PRKAG2: variants seen among roughly 807,000 people sequenced by gnomAD.
PRKAG2 encodes 5'-AMP-activated protein kinase subunit gamma-2.
A neutral mutation model predicts 69.6 loss-of-function variants in PRKAG2; 26 were observed. That is an observed-to-expected ratio of 0.37 (90% CI 0.27 to 0.52). The LOEUF is 0.52. PRKAG2 is among the 20% of genes least tolerant of loss of function. The pLI is 0.90. For synonymous variants in PRKAG2, 293 were observed against 285.0 expected, an observed-to-expected ratio of 1.03 and a Z score of -0.28; for missense variants, 557 against 740.0, an observed-to-expected ratio of 0.75 and a Z score of 2.87.
rs730880988 is a variant in PRKAG2, at chr7:151,574,917, G to A, written c.979C>T (p.Leu327=). 3.7e-6 allele frequency: 6 copies of A among 1,613,390 alleles called. No homozygotes were observed. The South Asian group carries it at 4.4e-5, about 12-fold the overall frequency. ...ATAGGTGATTTATAGTATCTATGTA[G>A]TATATTTATGAAATCTGTAATTGTT... The part of the protein sequence containing the change: ...MLTITDFINI[L]HRYYKSPMVQ... Residue 327 remains leucine (L), a synonymous_variant, in exon 8 of 16, where the codon CTA becomes TTA. Coordinates refer to ENST00000287878, the MANE Select transcript of PRKAG2 (RefSeq NM_016203.4).
At chr7:151,745,986 T>C (rs1168273526) in intron 3 of PRKAG2, among the ~76,000 whole-genome samples, 2 of 152,230 alleles carry the variant, frequency 1.3e-5, no homozygotes, top group Non-Finnish European at 2.9e-5. Flanking sequence ...AGCGCTGGGC[T>C]CAACGGGGGC....
chr7:151,680,748 C>A (rs549487858), intron 3 of PRKAG2, among the ~76,000 whole-genome samples: 1 of 152,206 alleles, frequency 6.6e-6, no homozygotes, highest in Non-Finnish European at 1.5e-5. Flanking sequence ...GCCCTGCCTG[C>A]CCCGACGCGC....
intron 1 of PRKAG2, among the ~76,000 whole-genome samples, chr7:151,802,542 TG>T (rs61098405): frequency 0.18 from 27,502 of 152,200 alleles, 2,906 homozygotes; most frequent in Non-Finnish European, 0.25. Flanking sequence ...ACGGCCCACC[TG>T]GCCCCCTCTT....
intron 4 of PRKAG2, among the ~76,000 whole-genome samples, chr7:151,635,425 G>A (rs182673523): frequency 4.2e-4 from 64 of 152,274 alleles, no homozygotes; most frequent in Middle Eastern, 3.4e-3. Context: ...CAGTGCAAAC[G>A]AAATAACAGA....
chr7:151,585,243 T>C (rs917585572), intron 6 of PRKAG2, among the ~76,000 whole-genome samples: 2 of 152,244 alleles, frequency 1.3e-5, no homozygotes, highest in Admixed American at 6.5e-5. Context: ...GTCTACAGGT[T>C]GAACGTAAGT....
intron 1 of PRKAG2, among the ~76,000 whole-genome samples, chr7:151,858,368 T>C (rs1282364872): frequency 2.0e-5 from 3 of 152,278 alleles, no homozygotes; most frequent in Non-Finnish European, 4.4e-5. Context: ...TGACTGAAGC[T>C]ACTGGCTCCT....
chr7:151,698,977 G>C (rs1443831320), intron 3 of PRKAG2, among the ~76,000 whole-genome samples: 1 of 152,210 alleles, frequency 6.6e-6, no homozygotes, highest in Non-Finnish European at 1.5e-5. Context: ...AGAAGGTCCT[G>C]AAATCAGGTA....
chr7:151,726,320 C>T (rs1391373411), intron 3 of PRKAG2, among the ~76,000 whole-genome samples: 3 of 151,398 alleles, frequency 2.0e-5, no homozygotes, highest in Admixed American at 6.6e-5. Flanking sequence ...GGTTAGGAAG[C>T]CTGGGGAAGT....
chr7:151,830,787 C>CGGG lies in PRKAG2; in HGVS notation c.115-44249_115-44247dup, dbSNP rs58030412. 4.0e-3 allele frequency among the ~76,000 whole-genome samples: 459 copies of CGGG among 114,404 alleles called. 1 individual carries two copies. The highest frequency in any genetic ancestry group is 0.016 in the African/African-American group (422 of 26,198). The allele number at this position is 114,404 out of a possible 152,430, so 75.1% of individuals were successfully genotyped here. On this transcript the variant is annotated intron_variant, in intron 1 of 15. Transcript: ENST00000287878. Reference sequence around the variant, plus strand: ...TATGCTTCTTAGGATGGGGGCGGGGCGGGGGGGGGTTGTGATGAGAGGGAG... The same window carrying CGGG: ...TATGCTTCTTAGGATGGGGGCGGGGCGGGGGGGGGGGGTTGTGATGAGAGGGAG...
intron 4 of PRKAG2, among the ~76,000 whole-genome samples, chr7:151,639,907 A>G (rs1228756260): frequency 6.6e-6 from 1 of 152,060 alleles, no homozygotes; most frequent in Non-Finnish European, 1.5e-5. Context: ...CAATCAATCA[A>G]TCAATCATCT....
intron 3 of PRKAG2, among the ~76,000 whole-genome samples, chr7:151,749,642 G>A (rs904836976): frequency 2.6e-5 from 4 of 152,118 alleles, no homozygotes; most frequent in Non-Finnish European, 5.9e-5. Flanking sequence ...TCAAAAAAAT[G>A]AGCAGCTGCC....
intron 4 of PRKAG2, among the ~76,000 whole-genome samples, chr7:151,661,427 C>A (rs1428743687): frequency 2.0e-5 from 3 of 152,150 alleles, no homozygotes; most frequent in Admixed American, 1.3e-4. Flanking sequence ...ATCCAACCCC[C>A]CACCTTGGCC....
At chr7:151,575,978 G>A (rs1808830213) in intron 7 of PRKAG2, among the ~76,000 whole-genome samples, 1 of 148,876 alleles carries the variant, frequency 6.7e-6, no homozygotes, top group African/African-American at 2.5e-5. Flanking sequence ...GTATGTAAAA[G>A]CAAGGAATTT....
Position 151,772,984 on chromosome 7 carries a change from T to TGAAAGAAA in PRKAG2, c.466+8160_466+8167dup, listed in dbSNP as rs1257330966. ...GACAGAGACCCTGTCTCTAAATGAATGAAAGAAAGAAAGAAAGAAAGAAAG... is the reference window on the plus strand; with the variant it reads ...GACAGAGACCCTGTCTCTAAATGAATGAAAGAAAGAAAGAAAGAAAGAAAGAAAGAAAG... On this transcript the variant is annotated intron_variant, in intron 3 of 15. Coordinates refer to ENST00000287878, the MANE Select transcript of PRKAG2 (RefSeq NM_016203.4). Among the ~76,000 whole-genome samples, 232 of 71,820 alleles carry TGAAAGAAA rather than the reference T, an allele frequency of 3.2e-3. 3 individuals carry two copies. Among genetic ancestry groups the TGAAAGAAA allele is most frequent in the Middle Eastern group, 7.1e-3 (1 of 140 alleles). The allele number at this position is 71,820 out of a possible 152,430, so 47.1% of individuals were successfully genotyped here. A position where few individuals can be genotyped will look rare whatever the true frequency, so the allele number is the denominator to read the frequency against.
chr7:151,736,727 G>A (rs916522426), intron 3 of PRKAG2, among the ~76,000 whole-genome samples: 1 of 152,226 alleles, frequency 6.6e-6, no homozygotes, highest in African/African-American at 2.4e-5. Flanking sequence ...CAGCAATGCC[G>A]TCTTCAAGGA....
intron 1 of PRKAG2, among the ~76,000 whole-genome samples, chr7:151,869,716 G>A (rs1007847719): frequency 1.3e-5 from 2 of 152,232 alleles, no homozygotes; most frequent in East Asian, 3.9e-4. Flanking sequence ...GCGGCATTGG[G>A]CCAATGTGCC....
At chr7:151,727,560 G>C (rs1366233384) in intron 3 of PRKAG2, among the ~76,000 whole-genome samples, 1 of 152,186 alleles carries the variant, frequency 6.6e-6, no homozygotes, top group African/African-American at 2.4e-5. Flanking sequence ...GGAGACGCAG[G>C]GGTTTGCTCC....
chr7:151,576,836 T>A (rs1454202752), intron 6 of PRKAG2, among the ~76,000 whole-genome samples: 1 of 152,206 alleles, frequency 6.6e-6, no homozygotes, highest in Non-Finnish European at 1.5e-5. Flanking sequence ...CCAAGTCTTA[T>A]CAGTTATCTT....
At chr7:151,628,234 C>A (rs978356059) in intron 5 of PRKAG2, among the ~76,000 whole-genome samples, 2 of 152,174 alleles carry the variant, frequency 1.3e-5, no homozygotes, top group African/African-American at 4.8e-5. Flanking sequence ...TTATTAATCA[C>A]GGATAAAACT....
Sources: allele counts gnomAD v4.1 joint callset (sites outside exome capture counted in the v4.1 genomes callset), GRCh38; gene constraint gnomAD v4.1.1; transcripts MANE v1.5; gene names NCBI Gene and HGNC (gene_info 2026-07-23, HGNC 2026-07-21).